ZNF587B: variants seen among roughly 807,000 people sequenced by gnomAD.
The protein encoded by ZNF587B is zinc finger protein 587B.
A neutral mutation model predicts 7.2 loss-of-function variants in ZNF587B; 6 were observed. The observed-to-expected ratio is 0.83, with a 90% CI of 0.46 to 1.65. The LOEUF (loss-of-function observed/expected upper bound fraction) is 1.65. Ranked by LOEUF, ZNF587B falls within the 40% of genes most tolerant of loss-of-function variation. The pLI, the probability that ZNF587B is intolerant of heterozygous loss-of-function variation, is 0.01. For missense variants in ZNF587B, 749 were observed against 761.0 expected (o/e 0.98, Z 0.19); for synonymous variants, 274 against 254.3 (o/e 1.08, Z -0.74).
chr19:57,841,891 G>C lies in ZNF587B; in HGVS notation c.1217G>C (p.Gly406Ala), dbSNP rs1318135227. The C allele has an allele frequency of 1.2e-6, 2 of 1,613,796 alleles. No homozygotes were observed. Among genetic ancestry groups the C allele is most frequent in the Non-Finnish European group, 1.7e-6 (2 of 1,179,924 alleles). Residue 406 changes from glycine (G) to alanine (A), a missense_variant, in exon 3 of 3, where the codon GGA becomes GCA. This residue lies in a region of ZNF587B where 656 missense variants were observed against 596.5 expected (regional missense o/e 1.10). Transcript: ENST00000594901. ...AGGATCCATCAGCGCATGCACACTG[G>C]AGAAAGACCTTACAAGTGTGGAGAC... ...HLRIHQRMHT[G>A]ERPYKCGDCG...
At chr19:57,837,660 G>A (rs375735939) in intron 1 of ZNF587B, among the ~76,000 whole-genome samples, 4 of 152,086 alleles carry the variant, frequency 2.6e-5, no homozygotes, top group South Asian at 2.1e-4. Flanking sequence ...GTGTTAGGCA[G>A]GATGGTCTCG....
chr19:57,836,729 C>T (rs1439356446), intron 1 of ZNF587B, among the ~76,000 whole-genome samples: 6 of 151,856 alleles, frequency 4.0e-5, no homozygotes, highest in Non-Finnish European at 5.9e-5. Context: ...TTTAGGAGGC[C>T]GAGATGGGTG....
At position 57,842,247 on chromosome 19, in the gene ZNF587B, A is replaced by G. The variant is rs1988889821; in HGVS notation, c.1573A>G (p.Ser525Gly). ...VHTGERPYEC[S>G]DCGKSFTHSC... ...CACTGGAGAAAGGCCATATGAATGC[A>G]GTGATTGTGGGAAGTCATTTACCCA... Residue 525 changes from serine (S) to glycine (G), a missense_variant, in exon 3 of 3, where the codon AGT becomes GGT. Transcript: ENST00000594901. The G allele has an allele frequency of 6.2e-7, 1 of 1,613,650 alleles. No individual in the cohort carries two copies. Among genetic ancestry groups the G allele is most frequent in the Middle Eastern group, 1.6e-4 (1 of 6,062 alleles).
At chr19:57,831,715 T>G (rs896764370) in intron 1 of ZNF587B, among the ~76,000 whole-genome samples, 12 of 150,476 alleles carry the variant, frequency 8.0e-5, no homozygotes, top group African/African-American at 2.9e-4. Flanking sequence ...TTTATTTTTT[T>G]TTTTTTTGAG....
chr19:57,843,609 T>G lies in ZNF587B; in HGVS notation c.*1033T>G, dbSNP rs543540411. On this transcript the variant is annotated 3_prime_UTR_variant, in exon 3 of 3. Coordinates refer to ENST00000594901, the MANE Select transcript of ZNF587B (RefSeq NM_001376223.1). ...TTGGTTGTTTTTTTTTGTTTTTTTT[T>G]TTTTTTTTTTTGGAGACAAAGTTTC... 84 of 915,962 alleles carry G rather than the reference T, an allele frequency of 9.2e-5. No individual in the cohort carries two copies. Among genetic ancestry groups the G allele is most frequent in the Middle Eastern group, 5.6e-4 (1 of 1,788 alleles). 56.7% of individuals were successfully genotyped at this position (915,962 alleles called of 1,614,324 possible).
At position 57,841,050 on chromosome 19, in the gene ZNF587B, G is replaced by T. The variant is rs1988821780; in HGVS notation, c.376G>T (p.Gly126Trp). Residue 126 changes from glycine to tryptophan, a missense_variant, in exon 3 of 3, where the codon GGG (glycine) becomes TGG (tryptophan). Physicochemically the swap from Gly to Trp is radical, Grantham distance 184 (BLOSUM62 -2). Transcript: ENST00000594901. ...GAAACTGCACAGGTGTGAGGCCTGG[G>T]GGAATAAATTGTATGACAGTGGAAA... Reference protein sequence around the residue: ...KQKLHRCEAWGNKLYDSGNFH... With the variant: ...KQKLHRCEAWWNKLYDSGNFH... The T allele has an allele frequency of 6.2e-7, 1 of 1,613,116 alleles. No individual in the cohort carries two copies. Among genetic ancestry groups the T allele is most frequent in the African/African-American group, 1.3e-5 (1 of 74,640 alleles).
At position 57,843,155 on chromosome 19, in the gene ZNF587B, T is replaced by C. The variant is rs1988923285; in HGVS notation, c.*579T>C. 1 of 581,346 alleles carries C rather than the reference T, an allele frequency of 1.7e-6. No homozygotes were observed. The highest frequency in any genetic ancestry group is 2.0e-5 in the African/African-American group (1 of 49,160). 36.0% of individuals were successfully genotyped at this position (581,346 alleles called of 1,614,324 possible). On this transcript the variant is annotated 3_prime_UTR_variant, in exon 3 of 3. Transcript: ENST00000594901. ...GTCCACAGGCATGCACCACCATGCC[T>C]GGCTATTTTCTCATATTAGTAGATA...
At chr19:57,832,559 A>T (rs1988457814) in intron 1 of ZNF587B, among the ~76,000 whole-genome samples, 1 of 152,064 alleles carries the variant, frequency 6.6e-6, no homozygotes, top group Non-Finnish European at 1.5e-5. Context: ...TGCTTTATTT[A>T]GTTTGTTTGG....
Position 57,844,464 on chromosome 19 carries a change from T to G in ZNF587B, c.*1888T>G. 1 of 239,952 alleles carries G rather than the reference T, an allele frequency of 4.2e-6. No individual in the cohort carries two copies. Among genetic ancestry groups the G allele is most frequent in the South Asian group, 3.6e-5 (1 of 27,400 alleles). The allele number at this position is 239,952 out of a possible 1,614,324, so 14.9% of individuals were successfully genotyped here. A position where few individuals can be genotyped will look rare whatever the true frequency, so the allele number is the denominator to read the frequency against. Reference sequence around the variant, plus strand: ...TTGCAGTGAGCTGAGATCATGCCACTGCACTCCAGCCTGGGTCCTGCTACC... The same window carrying G: ...TTGCAGTGAGCTGAGATCATGCCACGGCACTCCAGCCTGGGTCCTGCTACC... On this transcript the variant is annotated 3_prime_UTR_variant, in exon 3 of 3. Transcript: ENST00000594901.
In ZNF587B at chr19:57,843,411, C is replaced by G. The variant is rs1988932759; in HGVS notation, c.*835C>G. ...TTTTTTACTATGCCCTGTTATCTTGCTAGACTTATGTGACTGCCACTTATC... is the reference window on the plus strand; with the variant it reads ...TTTTTTACTATGCCCTGTTATCTTGGTAGACTTATGTGACTGCCACTTATC... On this transcript the variant is annotated 3_prime_UTR_variant, in exon 3 of 3. Transcript: ENST00000594901. 14 of 985,354 alleles carry G rather than the reference C, an allele frequency of 1.4e-5. No individual in the cohort carries two copies. The highest frequency in any genetic ancestry group is 1.7e-5 in the Non-Finnish European group (14 of 829,918). 61.0% of individuals were successfully genotyped at this position (985,354 alleles called of 1,614,324 possible). A position where few individuals can be genotyped will look rare whatever the true frequency, so the allele number is the denominator to read the frequency against.
rs754610723 is a variant in ZNF587B, at chr19:57,841,795, G to T, written c.1121G>T (p.Arg374Leu). The T allele has an allele frequency of 1.9e-6, 3 of 1,610,292 alleles. No homozygotes were observed. Among genetic ancestry groups the T allele is most frequent in the Admixed American group, 3.4e-5 (2 of 59,572 alleles). The part of the protein sequence containing the change: ...SRKPSLSYHQ[R>L]IHTEVRPYKC... ...AAGCCCAGCCTTAGTTACCATCAGCGCATTCACACTGAAGTAAGACCTTAC... is the reference window on the plus strand; with the variant it reads ...AAGCCCAGCCTTAGTTACCATCAGCTCATTCACACTGAAGTAAGACCTTAC... The change falls in exon 3 of 3, where the codon CGC (arginine) becomes CTC (leucine). Residue 374 changes from arginine (R) to leucine (L), a missense_variant. Arg to Leu is a moderately radical substitution (Grantham distance 102). Transcript: ENST00000594901.
rs1429609078 is a variant in ZNF587B, at chr19:57,844,999, C to G, written c.*2423C>G. 1 of 149,430 alleles carries G rather than the reference C, an allele frequency of 6.7e-6. No homozygotes were observed. Among genetic ancestry groups the G allele is most frequent in the Non-Finnish European group, 1.5e-5 (1 of 67,576 alleles). 9.3% of individuals were successfully genotyped at this position (149,430 alleles called of 1,614,324 possible). On this transcript the variant is annotated 3_prime_UTR_variant, in exon 3 of 3. Transcript: ENST00000594901. ...ATATATCTTTTTTTTTTTTTTGAGA[C>G]ACAGTCTCACTCTGTCACCCAGGCT...
chr19:57,832,478 C>T (rs1988454929), intron 1 of ZNF587B, among the ~76,000 whole-genome samples: 1 of 152,150 alleles, frequency 6.6e-6, no homozygotes, highest in Admixed American at 6.6e-5. Flanking sequence ...TTTGAATTTC[C>T]TCAAAATAGC....
intron 1 of ZNF587B, among the ~76,000 whole-genome samples, chr19:57,831,033 G>A (rs1988365330): frequency 1.3e-5 from 2 of 152,188 alleles, no homozygotes; most frequent in East Asian, 3.8e-4. Context: ...CTATTAGAAG[G>A]TGATAGATGG....
In ZNF587B at chr19:57,841,527, C is replaced by G. The variant is rs1256701231; in HGVS notation, c.853C>G (p.Leu285Val). Residue 285 changes from leucine to valine, a missense_variant, in exon 3 of 3, where the codon CTC (leucine) becomes GTC (valine). Around this residue, in one of 3 missense-constraint regions of ZNF587B, gnomAD observed 656 missense variants for 596.5 expected, o/e 1.10. Coordinates refer to ENST00000594901, the MANE Select transcript of ZNF587B (RefSeq NM_001376223.1). The part of the protein sequence containing the change: ...CEKSFSQKSS[L>V]IQHQQFHTGG... ...GAAATCTTTTAGTCAAAAGAGCAGC[C>G]TCATTCAACATCAGCAATTTCACAC... is the stretch of plus-strand genomic sequence containing the variant. The G allele has an allele frequency of 6.3e-7, 1 of 1,583,234 alleles. No individual in the cohort carries two copies. The highest frequency in any genetic ancestry group is 1.4e-5 in the African/African-American group (1 of 73,962).
Position 57,841,565 on chromosome 19 carries a change from T to C in ZNF587B, c.891T>C (p.Pro297=), listed in dbSNP as rs1988850777. 1.3e-6 allele frequency: 2 copies of C among 1,578,598 alleles called. No homozygotes were observed. Among genetic ancestry groups the C allele is most frequent in the East Asian group, 4.7e-5 (2 of 42,918 alleles). The part of the protein sequence containing the change: ...QHQQFHTGGK[P]YGCEECGKYF... ...AGCAATTTCACACTGGAGGAAAACC[T>C]TATGGGTGTGAAGAATGTGGGAAAT... The change falls in exon 3 of 3, where the codon CCT becomes CCC. Residue 297 remains proline, a synonymous_variant. Transcript: ENST00000594901.
chr19:57,838,405 A>G (rs918093077), intron 1 of ZNF587B, among the ~76,000 whole-genome samples: 2 of 152,164 alleles, frequency 1.3e-5, no homozygotes, highest in African/African-American at 4.8e-5. Context: ...GATCAAGACC[A>G]TCCTGGCCAA....
chr19:57,837,632 T>C (rs1399010611), intron 1 of ZNF587B, among the ~76,000 whole-genome samples: 1 of 152,064 alleles, frequency 6.6e-6, no homozygotes, highest in Admixed American at 6.6e-5. Flanking sequence ...GTATTTTTAG[T>C]AGAGACGGGG....
chr19:57,835,172 A>C (rs558706339), intron 1 of ZNF587B, among the ~76,000 whole-genome samples: 42 of 81,310 alleles, frequency 5.2e-4, no homozygotes, highest in African/African-American at 2.4e-3. Flanking sequence ...GGGTTAAGGG[A>C]GGAGGAAGGA....
Sources: allele counts gnomAD v4.1 joint callset (sites outside exome capture counted in the v4.1 genomes callset), GRCh38; gene constraint gnomAD v4.1.1; regional missense constraint gnomAD v4.1.1; transcripts MANE v1.5; gene names NCBI Gene and HGNC (gene_info 2026-07-23, HGNC 2026-07-21).